KMT2B: variants seen among roughly 807,000 people sequenced by gnomAD.
KMT2B encodes lysine methyltransferase 2B, also known as histone-lysine N-methyltransferase 2B.
Under a neutral mutation model 255.3 loss-of-function variants are expected in KMT2B, and 22 were observed. The observed-to-expected ratio is 0.09, with a 90% CI of 0.06 to 0.12. The LOEUF (loss-of-function observed/expected upper bound fraction) is 0.12, where lower values mean the gene tolerates loss of function less well. Ranked by LOEUF, KMT2B falls within the 10% of genes least tolerant of loss-of-function variation. The probability of loss-of-function intolerance (pLI) is 1.00; values close to 1 mark genes in which losing one functional copy is unlikely to be tolerated. For missense variants in KMT2B, 3,149 were observed against 3,737.0 expected (o/e 0.84, Z 4.10); for synonymous variants, 1,730 against 1,498.1 (o/e 1.15, Z -3.57).
In KMT2B at chr19:35,724,927, G is replaced by A. The variant is rs529826628; in HGVS notation, c.3430-62G>A. 5.9e-5 allele frequency: 75 copies of A among 1,278,702 alleles called. No homozygotes were observed. In the East Asian group the frequency reaches 1.0e-3, roughly 17 times the overall value. The allele number at this position is 1,278,702 out of a possible 1,614,324, so 79.2% of individuals were successfully genotyped here. A position where few individuals can be genotyped will look rare whatever the true frequency, so the allele number is the denominator to read the frequency against. ...CAGTAGGCTGGGGGAAAGGCGGTGA[G>A]GAGAGGAGTCTGCATCACGGCCAGG... On this transcript the variant is annotated intron_variant, in intron 9 of 36. Transcript: ENST00000420124.
chr19:35,724,199 A>G (rs1969335177), intron 8 of KMT2B, among the ~76,000 whole-genome samples, 192 bp downstream of exon 8: 1 of 152,146 alleles, frequency 6.6e-6, no homozygotes, highest in Non-Finnish European at 1.5e-5. Flanking sequence ...CTAATGAGTG[A>G]GACTTAAGGG....
At position 35,721,568 on chromosome 19, in the gene KMT2B, C is replaced by T. The variant is rs1253137551; in HGVS notation, c.2221C>T (p.Leu741=). The change falls in exon 3 of 37, where the codon CTG becomes TTG. Residue 741 remains leucine (L), a synonymous_variant. Coordinates refer to ENST00000420124, the MANE Select transcript of KMT2B (RefSeq NM_014727.3). ...PQTQAQLLQP[L]QALQTQLLPQ... is the part of the protein sequence containing the mutation. ...GACACAGGCTCAGCTACTGCAGCCC[C>T]TGCAGGCCTTGCAAACCCAGCTCCT... The T allele has an allele frequency of 6.2e-7, 1 of 1,612,000 alleles. No individual in the cohort carries two copies. Among genetic ancestry groups the T allele is most frequent in the Non-Finnish European group, 8.5e-7 (1 of 1,179,876 alleles).
At position 35,733,332 on chromosome 19, in the gene KMT2B, GCT is replaced by G; in HGVS notation, c.6784_6785del (p.Leu2262GlyfsTer40). 8.8e-7 allele frequency: 1 copy of G among 1,135,042 alleles called. No homozygotes were observed. The highest frequency in any genetic ancestry group is 1.2e-6 in the Non-Finnish European group (1 of 828,374). 70.3% of individuals were successfully genotyped at this position (1,135,042 alleles called of 1,614,324 possible). A position where few individuals can be genotyped will look rare whatever the true frequency, so the allele number is the denominator to read the frequency against. ...APPPPPPPLT[L>X]VLSSGPASPP... The stretch of plus-strand genomic sequence containing the variant: ...CGCCCCCGCCACCCCCTCCCCTGAC[GCT>G]GGTGCTGAGCAGTGGGCCAGCCAGC... On this transcript the variant is annotated frameshift_variant, in exon 28 of 37. Coordinates refer to ENST00000420124, the MANE Select transcript of KMT2B (RefSeq NM_014727.3). LOFTEE classifies it high-confidence loss of function. This position sits in a 1 kb window ranked among gnomAD's most constrained non-coding sequence, Gnocchi z 4.3.
rs1599676786 is a variant in KMT2B at position 35,723,634 on chromosome 19, C to CCTG, written c.3059-96_3059-94dup. ...TTCTCCGTTGTGTGCTTTCATAGCT[C>CCTG]CTGCGTTCATTCCCTGCCCCGCTTC... is the stretch of plus-strand genomic sequence containing the variant. On this transcript the variant is annotated intron_variant, in intron 7 of 36. Coordinates refer to ENST00000420124, the MANE Select transcript of KMT2B (RefSeq NM_014727.3). This position sits in a 1 kb window ranked among gnomAD's most constrained non-coding sequence, Gnocchi z 7.5. 7.7e-7 allele frequency: 1 copy of CCTG among 1,305,656 alleles called. No homozygotes were observed. Among genetic ancestry groups the CCTG allele is most frequent in the Non-Finnish European group, 1.0e-6 (1 of 956,544 alleles). The allele number at this position is 1,305,656 out of a possible 1,614,324, so 80.9% of individuals were successfully genotyped here. A position where few individuals can be genotyped will look rare whatever the true frequency, so the allele number is the denominator to read the frequency against.
In KMT2B at chr19:35,721,306, C is replaced by A. The variant is rs1485856453; in HGVS notation, c.1959C>A (p.Thr653=). 4 of 1,548,264 alleles carry A rather than the reference C, an allele frequency of 2.6e-6. No individual in the cohort carries two copies. In the East Asian group the frequency reaches 9.8e-5, roughly 38 times the overall value. ...TACTCCTTCGGGCCCCTCAGTTTAC[C>A]CCAAGCGAAGCCCACCTGAAGATCT... ...RPLLLRAPQF[T]PSEAHLKIYE... Residue 653 remains threonine, a synonymous_variant, in exon 3 of 37, where the codon ACC becomes ACA. Coordinates refer to ENST00000420124, the MANE Select transcript of KMT2B (RefSeq NM_014727.3).
chr19:35,721,910 A>C (rs1599673473), intron 3 of KMT2B, 106 bp downstream of exon 3: 1 of 1,392,942 alleles, frequency 7.2e-7, no homozygotes, highest in Non-Finnish European at 9.4e-7. Context: ...ATTGCGGGGA[A>C]CCCTCAGAAC....
Position 35,728,004 on chromosome 19 carries a change from G to T in KMT2B, c.4497+19G>T. 1 of 1,550,414 alleles carries T rather than the reference G, an allele frequency of 6.4e-7. No individual in the cohort carries two copies. ...GCTGAAGGTGAGCTCTTCCGGGGAT[G>T]CTTGTGGGGTGGGGGAGTGGGACCT... On this transcript the variant is annotated intron_variant, in intron 18 of 36. Transcript: ENST00000420124.
At position 35,728,473 on chromosome 19, in the gene KMT2B, G is replaced by A. The variant is rs564599463; in HGVS notation, c.4572-301G>A. ...CCCAGATGGTCAGGGCAGTGATGGAGAATACCAGGGGGCGGTGGGGGCCCG... is the reference window on the plus strand; with the variant it reads ...CCCAGATGGTCAGGGCAGTGATGGAAAATACCAGGGGGCGGTGGGGGCCCG... On this transcript the variant is annotated intron_variant, in intron 19 of 36. Coordinates refer to ENST00000420124, the MANE Select transcript of KMT2B (RefSeq NM_014727.3). 2.4e-5 allele frequency among the ~76,000 whole-genome samples: 3 copies of A among 126,210 alleles called. No homozygotes were observed. The Admixed American group carries it at 2.6e-4, about 11-fold the overall frequency. The allele number at this position is 126,210 out of a possible 152,430, so 82.8% of individuals were successfully genotyped here.
Position 35,737,009 on chromosome 19 carries a change from G to A in KMT2B, c.7372+23G>A. On this transcript the variant is annotated intron_variant, in intron 32 of 36. Transcript: ENST00000420124. The surrounding 1 kb of genome is among the most constrained non-coding windows in gnomAD (Gnocchi z 5.3). ...GTGGTAAGGAGTGGGCCCCACAGGG[G>A]GCAGGGAGCTGGATGTCTCCCCGAG... is the stretch of plus-strand genomic sequence containing the variant. 1.2e-6 allele frequency: 2 copies of A among 1,612,056 alleles called. No individual in the cohort carries two copies. Among genetic ancestry groups the A allele is most frequent in the Non-Finnish European group, 8.5e-7 (1 of 1,178,982 alleles).
chr19:35,721,694 T>C lies in KMT2B; in HGVS notation c.2347T>C (p.Leu783=). The C allele has an allele frequency of 6.2e-7, 1 of 1,611,008 alleles. No homozygotes were observed. Among genetic ancestry groups the C allele is most frequent in the Non-Finnish European group, 8.5e-7 (1 of 1,178,498 alleles). ...AGCCCGGATTGCGGGCGTGGGTTCC[T>C]TGCCGCTGTCTGGGGTAGAGGAGAA... ...EKARIAGVGS[L]PLSGVEEKMF... Residue 783 remains leucine, a synonymous_variant, in exon 3 of 37, where the codon TTG becomes CTG. Transcript: ENST00000420124.
chr19:35,729,355 G>A (rs999969043), intron 22 of KMT2B, 59 bp downstream of exon 22: 20 of 1,536,930 alleles, frequency 1.3e-5, no homozygotes, highest in African/African-American at 4.1e-5. Flanking sequence ...GGCCTCCTCC[G>A]GTGCAAACAG....
In KMT2B at chr19:35,727,517, C is replaced by G; in HGVS notation, c.4197C>G (p.Pro1399=). The change falls in exon 16 of 37, where the codon CCC becomes CCG. Residue 1399 remains proline (P), a synonymous_variant. Coordinates refer to ENST00000420124, the MANE Select transcript of KMT2B (RefSeq NM_014727.3). This position sits in a 1 kb window ranked among gnomAD's most constrained non-coding sequence, Gnocchi z 4.2. ...GACCGTGTGCTGGGGCAGCGCAGCCCCGCTGGCGAGAGGCCCTGAGCGGGG... is the reference window on the plus strand; with the variant it reads ...GACCGTGTGCTGGGGCAGCGCAGCCGCGCTGGCGAGAGGCCCTGAGCGGGG... The part of the protein sequence containing the change: ...TCGPCAGAAQ[P]RWREALSGAL... 1 of 1,610,734 alleles carries G rather than the reference C, an allele frequency of 6.2e-7. No homozygotes were observed. The highest frequency in any genetic ancestry group is 1.7e-5 in the Admixed American group (1 of 60,028).
chr19:35,722,817 G>T, intron 5 of KMT2B, 99 bp downstream of exon 5: 1 of 1,477,780 alleles, frequency 6.8e-7, no homozygotes. Flanking sequence ...CAAGTCAGGT[G>T]CTCAGGGGTT....
Position 35,732,459 on chromosome 19 carries a change from T to G in KMT2B, c.5910T>G (p.Pro1970=). The G allele has an allele frequency of 6.2e-7, 1 of 1,613,708 alleles. No homozygotes were observed. Among genetic ancestry groups the G allele is most frequent in the Non-Finnish European group, 8.5e-7 (1 of 1,179,778 alleles). Residue 1970 remains proline (P), a synonymous_variant, in exon 28 of 37, where the codon CCT becomes CCG. Transcript: ENST00000420124. ...PPGPAPSPPP[P]EDLGPDFEDM... ...GCCCGGCCCCATCTCCACCACCCCC[T>G]GAAGACCTGGGCCCAGACTTCGAGG...
chr19:35,722,761 C>G (rs371764394), intron 5 of KMT2B, 43 bp downstream of exon 5: 33 of 1,540,498 alleles, frequency 2.1e-5, no homozygotes, highest in Non-Finnish European at 3.5e-6. Context: ...TTGGGGATGA[C>G]CCCACACTTG....
Position 35,738,554 on chromosome 19 carries a change from C to T in KMT2B, c.8145C>T (p.Asn2715=), listed in dbSNP as rs759922813. 2 of 1,611,360 alleles carry T rather than the reference C, an allele frequency of 1.2e-6. No individual in the cohort carries two copies. The highest frequency in any genetic ancestry group is 1.7e-6 in the Non-Finnish European group (2 of 1,177,862). ...CGAKRCRRFL[N] is the part of the protein sequence containing the mutation. ...CCAAGCGCTGCCGTCGGTTCCTTAA[C>T]TGAGGCCGTGGCTGCCCACCACGAC... Residue 2715 remains asparagine, a synonymous_variant, in exon 37 of 37, where the codon AAC becomes AAT. Transcript: ENST00000420124. The surrounding 1 kb of genome is among the most constrained non-coding windows in gnomAD (Gnocchi z 8.7).
rs759699954 is a variant in KMT2B at position 35,720,399 on chromosome 19, G to A, written c.1052G>A (p.Ser351Asn). Residue 351 changes from serine to asparagine, a missense_variant, in exon 3 of 37, where the codon AGC (serine) becomes AAC (asparagine). Coordinates refer to ENST00000420124, the MANE Select transcript of KMT2B (RefSeq NM_014727.3). Reference sequence around the variant, plus strand: ...AGAGTTGGATCTGGACAGGGAGGGAGCCCTTGCTGGAAAAAGCAGGAACAG... The same window carrying A: ...AGAGTTGGATCTGGACAGGGAGGGAACCCTTGCTGGAAAAAGCAGGAACAG... ...QRRVGSGQGG[S>N]PCWKKQEQKL... The A allele has an allele frequency of 6.4e-7, 1 of 1,573,688 alleles. No individual in the cohort carries two copies. Among genetic ancestry groups the A allele is most frequent in the South Asian group, 1.2e-5 (1 of 85,974 alleles).
At position 35,733,672 on chromosome 19, in the gene KMT2B, G is replaced by A. The variant is rs1351851894; in HGVS notation, c.7035G>A (p.Gly2345=). 6.2e-7 allele frequency: 1 copy of A among 1,602,390 alleles called. No individual in the cohort carries two copies. Among genetic ancestry groups the A allele is most frequent in the Admixed American group, 1.7e-5 (1 of 57,942 alleles). Residue 2345 remains glycine, a synonymous_variant, in exon 29 of 37, where the codon GGG becomes GGA. Coordinates refer to ENST00000420124, the MANE Select transcript of KMT2B (RefSeq NM_014727.3). The surrounding 1 kb of genome is among the most constrained non-coding windows in gnomAD (Gnocchi z 4.3). ...TGGATCGGCCTGGGGAGCCCGCTGG[G>A]GAAGAAAGTCCTGGGTGAGTGGCCA... The part of the protein sequence containing the change: ...LDLDRPGEPA[G]EESPGPLQER...
rs2146469805 is a variant in KMT2B at position 35,733,066 on chromosome 19, C to T, written c.6517C>T (p.Arg2173Trp). 2.5e-6 allele frequency: 4 copies of T among 1,576,286 alleles called. No homozygotes were observed. Among genetic ancestry groups the T allele is most frequent in the Non-Finnish European group, 3.4e-6 (4 of 1,161,100 alleles). ...FAWLPGAPGV[R>W]VLSLGPAPEP... is the part of the protein sequence containing the mutation. ...CTGGCTCCCAGGGGCCCCAGGGGTC[C>T]GGGTGTTAAGCCTTGGCCCTGCCCC... is the stretch of plus-strand genomic sequence containing the variant. The change falls in exon 28 of 37, where the codon CGG becomes TGG. Residue 2173 changes from arginine (R) to tryptophan (W), a missense_variant. Physicochemically the swap from Arg to Trp is moderately radical, Grantham distance 101. This residue lies in a region of KMT2B where 897 missense variants were observed against 825.3 expected (regional missense o/e 1.09). Transcript: ENST00000420124. The surrounding 1 kb of genome is among the most constrained non-coding windows in gnomAD (Gnocchi z 4.3).
Sources: gnomAD v4.1 joint callset for allele counts (sites outside exome capture counted in the v4.1 genomes callset) on GRCh38, gnomAD v4.1.1 for gene constraint, gnomAD v4.1.1 regional missense constraint, Gnocchi (gnomAD v3.1) non-coding constraint, MANE v1.5 for transcripts, NCBI Gene and HGNC (gene_info 2026-07-23, HGNC 2026-07-21) for gene names.